ENOX2: variants seen among roughly 807,000 people sequenced by gnomAD.
ENOX2 encodes ecto-NOX disulfide-thiol exchanger 2.
Under a neutral mutation model 45.0 loss-of-function variants are expected in ENOX2, and 36 were observed. The ratio of observed to expected loss-of-function variants is 0.80; its 90% confidence interval spans 0.61 to 1.06. The LOEUF is 1.06. ENOX2 is among the 50% of genes least tolerant of loss of function. The probability of loss-of-function intolerance (pLI) is 0.00; values close to 1 mark genes in which losing one functional copy is unlikely to be tolerated. For synonymous variants in ENOX2, 174 were observed against 152.3 expected, an observed-to-expected ratio of 1.14 and a Z score of -1.05; for missense variants, 423 against 462.5, an observed-to-expected ratio of 0.91 and a Z score of 0.78.
In ENOX2 at chrX:130,651,916, T is replaced by C. The variant is rs138673674; in HGVS notation, c.1129+4665A>G. On this transcript the variant is annotated intron_variant, in intron 10 of 14. Coordinates refer to ENST00000394363, the MANE Select transcript of ENOX2 (RefSeq NM_006375.4). Reference sequence around the variant, plus strand: ...TTTCAAAGATTCCACTTCCATAGTATTCTTTTATTTTCTAGCATCTTCAAT... The same window carrying C: ...TTTCAAAGATTCCACTTCCATAGTACTCTTTTATTTTCTAGCATCTTCAAT... 3.8e-3 allele frequency among the ~76,000 whole-genome samples: 428 copies of C among 111,438 alleles called. 2 individuals carry two copies. The highest frequency in any genetic ancestry group is 0.014 in the African/African-American group (415 of 30,675).
rs1232465001 is a variant in ENOX2, at chrX:130,825,638, G to A, written c.-182-41948C>T. 2.7e-5 allele frequency among the ~76,000 whole-genome samples: 3 copies of A among 111,483 alleles called. No homozygotes were observed. In the East Asian group the frequency reaches 8.4e-4, roughly 31 times the overall value. ...AATTCCAGAAATAAACAATTCCTAA[G>A]TTTTAAATTGTACACCATTCTGAGT... On this transcript the variant is annotated intron_variant, in intron 2 of 14. Coordinates refer to ENST00000394363, the MANE Select transcript of ENOX2 (RefSeq NM_006375.4).
chrX:130,898,166 C>T (rs929848600), intron 2 of ENOX2, among the ~76,000 whole-genome samples: 3 of 110,727 alleles, frequency 2.7e-5, no homozygotes, highest in African/African-American at 6.6e-5. Flanking sequence ...TGCCATCACG[C>T]CCGGCTAATT....
In ENOX2 at chrX:130,623,629, C is replaced by T. The variant is rs1398685506; in HGVS notation, c.*1685G>A. ...AATTAGGTATTCCAAGAGCCCGAGA[C>T]TGATGAATCAAAGCCTTCCGTAGCA... On this transcript the variant is annotated 3_prime_UTR_variant, in exon 15 of 15. Coordinates refer to ENST00000394363, the MANE Select transcript of ENOX2 (RefSeq NM_006375.4). 8.9e-6 allele frequency: 1 copy of T among 112,068 alleles called. No homozygotes were observed. Among genetic ancestry groups the T allele is most frequent in the East Asian group, 2.8e-4 (1 of 3,608 alleles). 9.2% of individuals were successfully genotyped at this position (112,068 alleles called of 1,213,427 possible). A position where few individuals can be genotyped will look rare whatever the true frequency, so the allele number is the denominator to read the frequency against.
intron 2 of ENOX2, among the ~76,000 whole-genome samples, chrX:130,795,958 T>A (rs1417880811): frequency 1.8e-5 from 2 of 110,609 alleles, no homozygotes; most frequent in Admixed American, 9.7e-5. Flanking sequence ...TATTGTAGGA[T>A]CTTAGAGTTC....
chrX:130,739,261 C>T (rs1040046834), intron 3 of ENOX2, among the ~76,000 whole-genome samples: 13 of 112,442 alleles, frequency 1.2e-4, no homozygotes, highest in African/African-American at 3.9e-4. Context: ...TCCCAGTGAG[C>T]CACACGATCA....
At chrX:130,879,983 A>G (rs2078778406) in intron 2 of ENOX2, among the ~76,000 whole-genome samples, 1 of 111,907 alleles carries the variant, frequency 8.9e-6, no homozygotes, top group African/African-American at 3.2e-5. Flanking sequence ...CCTCAAAACA[A>G]AAGAACCTAT....
intron 2 of ENOX2, among the ~76,000 whole-genome samples, chrX:130,837,633 C>G (rs373735053): frequency 9.0e-6 from 1 of 111,356 alleles, no homozygotes; most frequent in Admixed American, 9.5e-5. Context: ...ATATGCTAGG[C>G]GAAAATCTGA....
intron 2 of ENOX2, among the ~76,000 whole-genome samples, chrX:130,827,877 T>C (rs1603362406): frequency 1.8e-5 from 2 of 111,963 alleles, no homozygotes; most frequent in East Asian, 2.8e-4. Context: ...CTGGTATACA[T>C]AAATAATTCC....
At chrX:130,757,767 T>G (rs1441084638) in intron 3 of ENOX2, among the ~76,000 whole-genome samples, 1 of 110,187 alleles carries the variant, frequency 9.1e-6, no homozygotes, top group Non-Finnish European at 1.9e-5. Context: ...AGGGTCTCAC[T>G]CGGTTGCCCA....
intron 2 of ENOX2, among the ~76,000 whole-genome samples, chrX:130,850,294 T>C (rs947380121): frequency 9.0e-5 from 10 of 111,597 alleles, no homozygotes; most frequent in African/African-American, 3.3e-4. Flanking sequence ...TCCACTTCTG[T>C]ATCTTTTTTA....
chrX:130,742,719 C>A (rs139593120), intron 3 of ENOX2, among the ~76,000 whole-genome samples: 4 of 111,879 alleles, frequency 3.6e-5, no homozygotes, highest in Non-Finnish European at 7.5e-5. Context: ...TTTCAAATAG[C>A]TTATCCAAAG....
chrX:130,801,715 C>G (rs186245410), intron 2 of ENOX2, among the ~76,000 whole-genome samples: 3 of 111,785 alleles, frequency 2.7e-5, no homozygotes, highest in Non-Finnish European at 5.6e-5. Flanking sequence ...GGGTAAATTT[C>G]TAATGGAAGT....
Position 130,637,301 on chromosome X carries a change from G to A in ENOX2, c.1239C>T (p.Val413=), listed in dbSNP as rs757606542. The part of the protein sequence containing the change: ...VELLKQEQGK[V]HREDDPNKEQ... ...CTTTGTTAGGGTCATCTTCTCTGTG[G>A]ACTTTGCCTTGTTCTTGCTTGAGCA... The change falls in exon 11 of 15, where the codon GTC becomes GTT. Residue 413 remains valine, a synonymous_variant. Transcript: ENST00000394363. The A allele has an allele frequency of 6.6e-6, 8 of 1,209,220 alleles. No homozygotes were observed. In the East Asian group the frequency reaches 2.1e-4, roughly 31 times the overall value.
At chrX:130,737,043 C>A (rs1030856624) in intron 3 of ENOX2, among the ~76,000 whole-genome samples, 9 of 112,145 alleles carry the variant, frequency 8.0e-5, no homozygotes, top group Non-Finnish European at 1.7e-4. Flanking sequence ...AGAATCAGTG[C>A]TTCCTGTAGC....
intron 2 of ENOX2, among the ~76,000 whole-genome samples, chrX:130,832,105 G>A (rs1218699473): frequency 3.6e-5 from 4 of 110,694 alleles, no homozygotes; most frequent in Non-Finnish European, 7.6e-5. Flanking sequence ...AACCAGATGA[G>A]GGACAGGACC....
chrX:130,700,691 T>C (rs1478241266), intron 4 of ENOX2, among the ~76,000 whole-genome samples: 1 of 112,026 alleles, frequency 8.9e-6, no homozygotes, highest in Non-Finnish European at 1.9e-5. Context: ...TGACAGTTTA[T>C]CTTTATTGGG....
intron 10 of ENOX2, chrX:130,645,935 C>T: frequency 1.4e-6 from 1 of 698,436 alleles, no homozygotes; most frequent in Non-Finnish European, 2.3e-6. Context: ...GCAGTCGTCC[C>T]AGCAATCAGT....
chrX:130,654,775 G>C (rs1474891065), intron 10 of ENOX2, among the ~76,000 whole-genome samples: 4 of 112,341 alleles, frequency 3.6e-5, no homozygotes, highest in Admixed American at 1.9e-4. Context: ...AAAGAAAATA[G>C]CTATAAGATG....
intron 7 of ENOX2, among the ~76,000 whole-genome samples, chrX:130,668,145 A>G (rs1204725113): frequency 2.7e-5 from 3 of 110,242 alleles, no homozygotes; most frequent in South Asian, 4.0e-4. Flanking sequence ...AGAAAAAACC[A>G]TGAATTAGTG....
Sources: gnomAD v4.1 joint callset for allele counts (sites outside exome capture counted in the v4.1 genomes callset) on GRCh38, gnomAD v4.1.1 for gene constraint, MANE v1.5 for transcripts, NCBI Gene and HGNC (gene_info 2026-07-23, HGNC 2026-07-21) for gene names.